TULP4: variants seen among roughly 807,000 people sequenced by gnomAD.
TULP4 encodes TUB like protein 4.
A neutral mutation model predicts 129.0 loss-of-function variants in TULP4; 16 were observed. That is an observed-to-expected ratio of 0.12 (90% CI 0.08 to 0.19). TULP4 has a LOEUF of 0.19. Among genes scored for constraint, TULP4 ranks in the 10% least tolerant of loss-of-function variants. TULP4 has a pLI of 1.00. For missense variants in TULP4, 1,842 were observed against 2,059.1 expected, an observed-to-expected ratio of 0.89 and a Z score of 2.04; for synonymous variants, 998 against 854.0, an observed-to-expected ratio of 1.17 and a Z score of -2.94.
chr6:158,344,940 A>G lies in TULP4; in HGVS notation c.252+30672A>G, dbSNP rs9457355. On this transcript the variant is annotated intron_variant, in intron 1 of 13. Coordinates refer to ENST00000367097, the MANE Select transcript of TULP4 (RefSeq NM_020245.5). Reference sequence around the variant, plus strand: ...TGAAGGAAATTAAAAGTGCTACTCCAGTGAACATGTGAATGATAAGAAAGC... The same window carrying G: ...TGAAGGAAATTAAAAGTGCTACTCCGGTGAACATGTGAATGATAAGAAAGC... 5.5e-3 allele frequency among the ~76,000 whole-genome samples: 843 copies of G among 152,360 alleles called. 7 individuals carry two copies. The highest frequency in any genetic ancestry group is 0.019 in the African/African-American group (774 of 41,586).
At chr6:158,355,018 C>T (rs1427106881) in intron 1 of TULP4, among the ~76,000 whole-genome samples, 1 of 151,886 alleles carries the variant, frequency 6.6e-6, no homozygotes, top group East Asian at 1.9e-4. Flanking sequence ...TGAGGAAGTT[C>T]TTCAGGGGAT....
At position 158,503,260 on chromosome 6, in the gene TULP4, T is replaced by C. The variant is rs1469108707; in HGVS notation, c.3597T>C (p.Pro1199=). ...ATCCAGGAAGCTATAACAACCCCCC[T>C]TTGCCTGGAGTGCAGGCTCCCTGCT... ...VPYPGSYNNP[P]LPGVQAPCSP... The change falls in exon 13 of 14, where the codon CCT becomes CCC. Residue 1199 remains proline (P), a synonymous_variant. Transcript: ENST00000367097. This position sits in a 1 kb window ranked among gnomAD's most constrained non-coding sequence, Gnocchi z 4.3. 3.3e-5 allele frequency: 54 copies of C among 1,613,798 alleles called. No individual in the cohort carries two copies. The highest frequency in any genetic ancestry group is 4.4e-5 in the Non-Finnish European group (52 of 1,179,956).
rs1381686346 is a variant in TULP4, at chr6:158,508,042, T to A, written c.*1348T>A. 1 of 152,180 alleles carries A rather than the reference T, an allele frequency of 6.6e-6. No individual in the cohort carries two copies. The highest frequency in any genetic ancestry group is 1.9e-4 in the East Asian group (1 of 5,202). 9.4% of individuals were successfully genotyped at this position (152,180 alleles called of 1,614,324 possible). A position where few individuals can be genotyped will look rare whatever the true frequency, so the allele number is the denominator to read the frequency against. ...AGTTGGTTGATCACAGTTTGTTAATTGTATAAAAAAAAATTACCTAGAATA... is the reference window on the plus strand; with the variant it reads ...AGTTGGTTGATCACAGTTTGTTAATAGTATAAAAAAAAATTACCTAGAATA... On this transcript the variant is annotated 3_prime_UTR_variant, in exon 14 of 14. Transcript: ENST00000367097.
At chr6:158,257,628 T>G (rs1257467835) in intron 1 of TULP4, among the ~76,000 whole-genome samples, 1 of 152,200 alleles carries the variant, frequency 6.6e-6, no homozygotes, top group East Asian at 1.9e-4. Flanking sequence ...GCAGCTTGCA[T>G]TTACTTCTTT....
intron 1 of TULP4, among the ~76,000 whole-genome samples, chr6:158,300,234 C>G (rs974952379): frequency 6.6e-6 from 1 of 152,200 alleles, no homozygotes; most frequent in Non-Finnish European, 1.5e-5. Context: ...CAAGCATACC[C>G]TCTTCCCCAC....
At chr6:158,422,928 C>G (rs948222839) in intron 2 of TULP4, among the ~76,000 whole-genome samples, 5 of 152,226 alleles carry the variant, frequency 3.3e-5, no homozygotes, top group African/African-American at 9.6e-5. Context: ...GCGCCCGAAT[C>G]GCCATGTTGG....
rs761215348 is a variant in TULP4, at chr6:158,504,009, G to A, written c.4346G>A (p.Arg1449Gln). ...GAGCTGGAGGAGGCCAAGTGCCGGC[G>A]GGCCAGTGAGAAGGAGGACGGGCGG... is the stretch of plus-strand genomic sequence containing the variant. The part of the protein sequence containing the change: ...AGELEEAKCR[R>Q]ASEKEDGRLG... The change falls in exon 13 of 14, where the codon CGG becomes CAG. Residue 1449 changes from arginine (R) to glutamine (Q), a missense_variant. Physicochemically the swap from Arg to Gln is conservative, Grantham distance 43 (BLOSUM62 1). This residue lies in a region of TULP4 where 1,089 missense variants were observed against 987.1 expected (regional missense o/e 1.10). Transcript: ENST00000367097. The A allele has an allele frequency of 3.1e-5, 50 of 1,612,372 alleles. No homozygotes were observed. Among genetic ancestry groups the A allele is most frequent in the Admixed American group, 8.4e-5 (5 of 59,756 alleles).
At chr6:158,303,479 T>G (rs1446415690) in intron 1 of TULP4, among the ~76,000 whole-genome samples, 2 of 152,070 alleles carry the variant, frequency 1.3e-5, no homozygotes, top group Admixed American at 6.5e-5. Context: ...GTAAAAAGCG[T>G]AACTACTAAT....
chr6:158,450,752 GA>G (rs11340391), intron 4 of TULP4, among the ~76,000 whole-genome samples: 89,768 of 146,850 alleles, frequency 0.61, 27,768 homozygotes, highest in African/African-American at 0.76. Context: ...TTTTATTATT[GA>G]AAAAAAAAAA....
chr6:158,364,823 G>GCA (rs1780887288), intron 1 of TULP4, among the ~76,000 whole-genome samples: 1 of 152,082 alleles, frequency 6.6e-6, no homozygotes, highest in Non-Finnish European at 1.5e-5. Context: ...TGCAAGCTCT[G>GCA]CCTCCCAGGT....
chr6:158,475,828 A>G (rs962407108), intron 6 of TULP4, among the ~76,000 whole-genome samples: 2 of 152,236 alleles, frequency 1.3e-5, no homozygotes, highest in African/African-American at 2.4e-5. Context: ...GTTCTTGCCA[A>G]AACTACAGAA....
rs906119955 is a variant in TULP4 at position 158,413,113 on chromosome 6, G to A, written c.301G>A (p.Asp101Asn). ...NEPYQKLATC[D>N]ADGGIFVWIQ... ...GCCCTACCAGAAACTGGCCACGTGC[G>A]ATGCGGACGGAGGCATATTCGTGTG... Residue 101 changes from aspartate to asparagine, a missense_variant, in exon 2 of 14, where the codon GAT becomes AAT. Physicochemically the swap from Asp to Asn is conservative, Grantham distance 23 (BLOSUM62 1). Coordinates refer to ENST00000367097, the MANE Select transcript of TULP4 (RefSeq NM_020245.5). This position sits in a 1 kb window ranked among gnomAD's most constrained non-coding sequence, Gnocchi z 4.9. 1.2e-6 allele frequency: 2 copies of A among 1,613,826 alleles called. No individual in the cohort carries two copies. The highest frequency in any genetic ancestry group is 1.7e-6 in the Non-Finnish European group (2 of 1,179,822).
At chr6:158,476,426 T>C (rs1190028390) in intron 6 of TULP4, among the ~76,000 whole-genome samples, 1 of 152,180 alleles carries the variant, frequency 6.6e-6, no homozygotes, top group African/African-American at 2.4e-5. Flanking sequence ...CAGCCCTTTT[T>C]CTCCCAGGTT....
intron 1 of TULP4, among the ~76,000 whole-genome samples, chr6:158,372,125 T>TG (rs1381242729): frequency 5.8e-5 from 4 of 69,162 alleles, no homozygotes; most frequent in South Asian, 5.1e-4. Flanking sequence ...ATTTTCTAGT[T>TG]TTTTTTTTTT....
At chr6:158,276,635 T>C (rs1345363740) in intron 1 of TULP4, among the ~76,000 whole-genome samples, 1 of 152,182 alleles carries the variant, frequency 6.6e-6, no homozygotes, top group African/African-American at 2.4e-5. Context: ...TAGGTCAATA[T>C]AGATGGTGCC....
upstream of TULP4, chr6:158,312,267 A>T (rs1428364505): frequency 2.5e-6 from 1 of 396,522 alleles, no homozygotes. Context: ...AATCAGATGG[A>T]GCAACTTGAC....
intron 1 of TULP4, among the ~76,000 whole-genome samples, chr6:158,348,758 G>GGGT (rs1353398473): frequency 1.3e-5 from 2 of 150,948 alleles, no homozygotes; most frequent in African/African-American, 4.9e-5. Flanking sequence ...TTCCCAGATG[G>GGGT]GGCAGCTGGG....
intron 11 of TULP4, among the ~76,000 whole-genome samples, chr6:158,498,080 T>TA (rs2128260592): frequency 6.6e-6 from 1 of 152,322 alleles, no homozygotes; most frequent in South Asian, 2.1e-4. Context: ...CTTGAGGTTT[T>TA]AAAAAAACAA....
At chr6:158,248,553 G>GC (rs1778076582) in intron 1 of TULP4, among the ~76,000 whole-genome samples, 1 of 152,008 alleles carries the variant, frequency 6.6e-6, no homozygotes, top group African/African-American at 2.4e-5. Flanking sequence ...ACAGGCATGA[G>GC]CCACCGTGCC....
Sources: allele counts gnomAD v4.1 joint callset (sites outside exome capture counted in the v4.1 genomes callset), GRCh38; gene constraint gnomAD v4.1.1; regional missense constraint gnomAD v4.1.1; non-coding constraint Gnocchi (gnomAD v3.1); transcripts MANE v1.5; gene names NCBI Gene and HGNC (gene_info 2026-07-23, HGNC 2026-07-21).